KNL1: variants seen among roughly 807,000 people sequenced by gnomAD.
KNL1 encodes the protein kinetochore scaffold 1.
KNL1 carries 66 observed loss-of-function variants against 201.3 expected under a neutral mutation model. The ratio of observed to expected loss-of-function variants is 0.33; its 90% confidence interval spans 0.27 to 0.40. The LOEUF (loss-of-function observed/expected upper bound fraction) is 0.40, where lower values mean the gene tolerates loss of function less well. KNL1 is among the 10% of genes least tolerant of loss of function. KNL1 has a pLI of 1.00. For synonymous variants in KNL1, 895 were observed against 899.2 expected, an observed-to-expected ratio of 1.00 and a Z score of 0.08; for missense variants, 2,815 against 2,690.5, an observed-to-expected ratio of 1.05 and a Z score of -1.02.
rs74011936 is a variant in KNL1 at position 40,640,731 on chromosome 15, C to T, written c.5683-181C>T. 0.018 allele frequency among the ~76,000 whole-genome samples: 2,794 copies of T among 152,238 alleles called. 84 individuals carry two copies. Among genetic ancestry groups the T allele is most frequent in the African/African-American group, 0.065 (2,687 of 41,536 alleles). On this transcript the variant is annotated intron_variant, in intron 13 of 25. Transcript: ENST00000399668. ...CCAGTAAAATCTATGGGGAAAGGGA[C>T]TTAGAAGTCAGAGACTTGAATTCAG... is the stretch of plus-strand genomic sequence containing the variant.
rs1178666505 is a variant in KNL1, at chr15:40,624,339, T to C, written c.4075T>C (p.Ser1359Pro). The change falls in exon 10 of 26, where the codon TCT becomes CCT. Residue 1359 changes from serine (S) to proline (P), a missense_variant. Ser to Pro is a moderately conservative substitution (Grantham distance 74). Coordinates refer to ENST00000399668, the MANE Select transcript of KNL1 (RefSeq NM_144508.5). ...CTTGGAATCTGAGGGACAGCCTCTC[T>C]CTGCTCCTTGTCCTTTGTTAGAGAA... ...YYLESEGQPL[S>P]APCPLLEKEE... 4 of 1,613,866 alleles carry C rather than the reference T, an allele frequency of 2.5e-6. No individual in the cohort carries two copies. In the East Asian group the frequency reaches 8.9e-5, roughly 36 times the overall value.
chr15:40,624,332 G>T lies in KNL1; in HGVS notation c.4068G>T (p.Gln1356His), dbSNP rs777391616. Residue 1356 changes from glutamine to histidine, a missense_variant, in exon 10 of 26, where the codon CAG becomes CAT. Gln to His is a conservative substitution (Grantham distance 24, BLOSUM62 0). Coordinates refer to ENST00000399668, the MANE Select transcript of KNL1 (RefSeq NM_144508.5). ...AATATTACTTGGAATCTGAGGGACA[G>T]CCTCTCTCTGCTCCTTGTCCTTTGT... Reference protein sequence around the residue: ...ASEYYLESEGQPLSAPCPLLE... With the variant: ...ASEYYLESEGHPLSAPCPLLE... The T allele has an allele frequency of 1.2e-6, 2 of 1,613,840 alleles. No homozygotes were observed. Among genetic ancestry groups the T allele is most frequent in the Non-Finnish European group, 1.7e-6 (2 of 1,179,896 alleles).
In KNL1 at chr15:40,602,924, C is replaced by G. The variant is rs948664582; in HGVS notation, c.-8C>G. On this transcript the variant is annotated 5_prime_UTR_variant, in exon 2 of 26. Coordinates refer to ENST00000399668, the MANE Select transcript of KNL1 (RefSeq NM_144508.5). ...TGTATATTTGTTACAGAAAAGTTTT[C>G]TTCAAAAATGGATGGGGTGTCTTCA... is the stretch of plus-strand genomic sequence containing the variant. The G allele has an allele frequency of 1.1e-5, 18 of 1,579,568 alleles. No individual in the cohort carries two copies. The highest frequency in any genetic ancestry group is 1.6e-5 in the Non-Finnish European group (18 of 1,154,060).
chr15:40,606,551 C>T, intron 4 of KNL1, 99 bp downstream of exon 4: 1 of 683,212 alleles, frequency 1.5e-6, no homozygotes, highest in Non-Finnish European at 2.6e-6. Context: ...GTGTAAGCAT[C>T]CCATGAGTTT....
chr15:40,598,852 G>A (rs1323657754), intron 1 of KNL1, among the ~76,000 whole-genome samples: 1 of 152,128 alleles, frequency 6.6e-6, no homozygotes, highest in Non-Finnish European at 1.5e-5. Context: ...TGCCCAGGCT[G>A]GAGTCTAGTG....
Position 40,623,329 on chromosome 15 carries a change from CTAA to C in KNL1, c.3071_3073del (p.Asn1024del). Reference sequence around the variant, plus strand: ...CAGCTAACCCCTCTGGAGGAATGGTCTAATAATAGGGGCCCTGTAGAGGTAGCT... The same window carrying C: ...CAGCTAACCCCTCTGGAGGAATGGTCTAATAGGGGCCCTGTAGAGGTAGCT... On this transcript the variant is annotated inframe_deletion, in exon 10 of 26. Coordinates refer to ENST00000399668, the MANE Select transcript of KNL1 (RefSeq NM_144508.5). 1.2e-6 allele frequency: 2 copies of C among 1,613,878 alleles called. No individual in the cohort carries two copies. Among genetic ancestry groups the C allele is most frequent in the Admixed American group, 3.3e-5 (2 of 59,988 alleles).
chr15:40,599,338 T>C (rs951565559), intron 1 of KNL1, among the ~76,000 whole-genome samples: 9 of 149,630 alleles, frequency 6.0e-5, no homozygotes, highest in African/African-American at 9.9e-5. Flanking sequence ...AAAGTTTTGT[T>C]TTGTTTTGTT....
intron 1 of KNL1, among the ~76,000 whole-genome samples, chr15:40,601,602 C>T (rs568312285): frequency 4.9e-4 from 75 of 151,910 alleles, no homozygotes; most frequent in African/African-American, 1.7e-3. Context: ...GAGGCCGAGG[C>T]GGGTGGATCA....
chr15:40,622,262 A>C lies in KNL1; in HGVS notation c.1998A>C (p.Ile666=). 1.2e-6 allele frequency: 2 copies of C among 1,614,044 alleles called. No individual in the cohort carries two copies. Among genetic ancestry groups the C allele is most frequent in the Non-Finnish European group, 8.5e-7 (1 of 1,179,950 alleles). The change falls in exon 10 of 26, where the codon ATA becomes ATC. Residue 666 remains isoleucine, a synonymous_variant. Transcript: ENST00000399668. ...AGTCAGCTGATTGTAATCAGGAGAT[A>C]GCAACAAGCCATAATATAGTCTACT... ...SPQSADCNQE[I]ATSHNIVYCG...
At chr15:40,602,072 C>G (rs1225640190) in intron 1 of KNL1, among the ~76,000 whole-genome samples, 3 of 150,850 alleles carry the variant, frequency 2.0e-5, no homozygotes, top group African/African-American at 7.3e-5. Context: ...CTCTTTCGCC[C>G]AGGCCGGACT....
chr15:40,643,247 A>G (rs1370409042), intron 14 of KNL1: 1 of 152,058 alleles, frequency 6.6e-6, no homozygotes, highest in East Asian at 1.9e-4. Flanking sequence ...ATCTCGGCTT[A>G]CTGAGAACTC....
intron 13 of KNL1, among the ~76,000 whole-genome samples, chr15:40,638,710 C>T (rs1167447284): frequency 1.3e-5 from 2 of 151,996 alleles, no homozygotes; most frequent in African/African-American, 4.8e-5. Context: ...CCAGGCTTGT[C>T]TTCAGCTCCT....
At chr15:40,618,911 G>C (rs756061110) in intron 8 of KNL1, 48 bp from the exon 9 acceptor site, 1 of 1,211,044 alleles carries the variant, frequency 8.3e-7, no homozygotes, top group East Asian at 2.4e-5. Flanking sequence ...GGAAAATCAG[G>C]CTCAGTGTTA....
chr15:40,625,531 C>G lies in KNL1; in HGVS notation c.5267C>G (p.Thr1756Ser). The part of the protein sequence containing the change: ...ISPYENKMGK[T>S]CNSQKRTWVQ... ...CCATATGAAAATAAAATGGGAAAAA[C>G]TTGCAATAGCCAAAAAAGAACGTGG... The change falls in exon 10 of 26, where the codon ACT becomes AGT. Residue 1756 changes from threonine to serine, a missense_variant. Around this residue, in one of 3 missense-constraint regions of KNL1, gnomAD observed 2,464 missense variants for 2,291.7 expected, o/e 1.08. Transcript: ENST00000399668. 1 of 1,609,282 alleles carries G rather than the reference C, an allele frequency of 6.2e-7. No individual in the cohort carries two copies. Among genetic ancestry groups the G allele is most frequent in the Non-Finnish European group, 8.5e-7 (1 of 1,178,872 alleles).
Position 40,623,749 on chromosome 15 carries a change from G to A in KNL1, c.3485G>A (p.Ser1162Asn). The change falls in exon 10 of 26, where the codon AGT becomes AAT. Residue 1162 changes from serine to asparagine, a missense_variant. Coordinates refer to ENST00000399668, the MANE Select transcript of KNL1 (RefSeq NM_144508.5). ...DKTVLFTDNYSDLEVTDSHTV... is the reference protein window; with the variant it reads ...DKTVLFTDNYNDLEVTDSHTV... Reference sequence around the variant, plus strand: ...ACCGTATTGTTCACAGATAATTACAGTGATCTGGAAGTCACCGATTCCCAT... The same window carrying A: ...ACCGTATTGTTCACAGATAATTACAATGATCTGGAAGTCACCGATTCCCAT... 1 of 1,613,922 alleles carries A rather than the reference G, an allele frequency of 6.2e-7. No individual in the cohort carries two copies. Among genetic ancestry groups the A allele is most frequent in the Non-Finnish European group, 8.5e-7 (1 of 1,179,884 alleles).
chr15:40,622,173 A>T lies in KNL1; in HGVS notation c.1909A>T (p.Thr637Ser), dbSNP rs537255554. Reference sequence around the variant, plus strand: ...AATAGCCAAAAACAGCTTAACCGACACCTGGAACAAAGACAAAGATTGGGT... The same window carrying T: ...AATAGCCAAAAACAGCTTAACCGACTCCTGGAACAAAGACAAAGATTGGGT... ...DIIAKNSLTD[T>S]WNKDKDWVLK... is the part of the protein sequence containing the mutation. The change falls in exon 10 of 26, where the codon ACC becomes TCC. Residue 637 changes from threonine to serine, a missense_variant. Transcript: ENST00000399668. The T allele has an allele frequency of 1.9e-6, 3 of 1,614,136 alleles. No individual in the cohort carries two copies. Among genetic ancestry groups the T allele is most frequent in the African/African-American group, 2.7e-5 (2 of 75,054 alleles).
At chr15:40,628,785 C>T (rs757895822) in intron 12 of KNL1, 107 bp downstream of exon 12, 37 of 593,378 alleles carry the variant, frequency 6.2e-5, no homozygotes, top group East Asian at 1.5e-4. Context: ...TTTTTAATTA[C>T]GAAATATTTC....
intron 2 of KNL1, among the ~76,000 whole-genome samples, chr15:40,603,595 C>A (rs141153051): frequency 6.6e-6 from 1 of 152,188 alleles, no homozygotes; most frequent in Non-Finnish European, 1.5e-5. Context: ...CCCCGCCCCC[C>A]CATCTCTACA....
At chr15:40,599,653 G>A (rs1891728187) in intron 1 of KNL1, among the ~76,000 whole-genome samples, 1 of 152,000 alleles carries the variant, frequency 6.6e-6, no homozygotes, top group African/African-American at 2.4e-5. Flanking sequence ...AAAGTGCTAG[G>A]ATTACAGGTG....
Sources: allele counts gnomAD v4.1 joint callset (sites outside exome capture counted in the v4.1 genomes callset), GRCh38; gene constraint gnomAD v4.1.1; regional missense constraint gnomAD v4.1.1; transcripts MANE v1.5; gene names NCBI Gene and HGNC (gene_info 2026-07-23, HGNC 2026-07-21).